The following CTNNA3 variants were observed in gnomAD, a reference collection of about 807,000 sequenced individuals.
The protein encoded by CTNNA3 is catenin alpha-3.
Under a neutral mutation model 95.7 loss-of-function variants are expected in CTNNA3, and 76 were observed. The ratio of observed to expected loss-of-function variants is 0.79; its 90% confidence interval spans 0.66 to 0.96. The LOEUF (loss-of-function observed/expected upper bound fraction) is 0.96, where lower values mean the gene tolerates loss of function less well. CTNNA3 is among the 40% of genes least tolerant of loss of function. The pLI is 0.00. For synonymous variants in CTNNA3, 431 were observed against 374.4 expected (o/e 1.15, Z -1.74); for missense variants, 1,191 against 1,089.8 (o/e 1.09, Z -1.31).
chr10:66,463,331 C>T (rs58091128), intron 11 of CTNNA3, among the ~76,000 whole-genome samples: 2,312 of 152,198 alleles, frequency 0.015, 73 homozygotes, highest in African/African-American at 0.053. Context: ...TTTCTGAAAC[C>T]ATGTGATGCC....
intron 15 of CTNNA3, among the ~76,000 whole-genome samples, chr10:66,018,604 A>T (rs2079140882): frequency 6.6e-6 from 1 of 152,108 alleles, no homozygotes. Context: ...TTCTGTTTGT[A>T]TGAAATGTCA....
At chr10:67,391,216 A>G (rs1315252850) in intron 5 of CTNNA3, among the ~76,000 whole-genome samples, 1 of 152,124 alleles carries the variant, frequency 6.6e-6, no homozygotes, top group East Asian at 1.9e-4. Context: ...GTCTCAGGAT[A>G]CAAAATCAAT....
intron 5 of CTNNA3, among the ~76,000 whole-genome samples, chr10:67,433,515 CCTT>C (rs1485769924): frequency 6.6e-6 from 1 of 152,068 alleles, no homozygotes; most frequent in Non-Finnish European, 1.5e-5. Flanking sequence ...TTGCCACAAA[CCTT>C]CTATCTGTAA....
intron 7 of CTNNA3, among the ~76,000 whole-genome samples, chr10:67,169,556 C>T (rs778452515): frequency 1.4e-4 from 22 of 152,264 alleles, no homozygotes; most frequent in Non-Finnish European, 2.6e-4. Context: ...ATAAATGATG[C>T]TGGGATAACT....
chr10:67,169,501 AC>A (rs750708603), intron 7 of CTNNA3, among the ~76,000 whole-genome samples: 65 of 152,206 alleles, frequency 4.3e-4, no homozygotes, highest in African/African-American at 1.2e-4. Context: ...TGATCTTTTG[AC>A]AAAGCTGACA....
At chr10:67,505,116 T>C (rs1839391713) in intron 5 of CTNNA3, among the ~76,000 whole-genome samples, 1 of 152,224 alleles carries the variant, frequency 6.6e-6, no homozygotes, top group South Asian at 2.1e-4. Context: ...TAATGCTGTA[T>C]CATATTCCCA....
chr10:66,489,497 G>T (rs900446844), intron 11 of CTNNA3, among the ~76,000 whole-genome samples: 3 of 152,046 alleles, frequency 2.0e-5, no homozygotes, highest in Non-Finnish European at 2.9e-5. Context: ...AACGCTTAAA[G>T]AATAAAAACT....
At chr10:65,995,243 T>A (rs1301935553) in intron 15 of CTNNA3, among the ~76,000 whole-genome samples, 1 of 152,242 alleles carries the variant, frequency 6.6e-6, no homozygotes, top group African/African-American at 2.4e-5. Context: ...GTTTCTTTTT[T>A]CCTTTCATTG....
chr10:66,328,743 A>G (rs980759510), intron 12 of CTNNA3, among the ~76,000 whole-genome samples: 1 of 151,056 alleles, frequency 6.6e-6, no homozygotes, highest in Non-Finnish European at 1.5e-5. Flanking sequence ...GACCCACTAA[A>G]TCTGGTCGTA....
intron 13 of CTNNA3, among the ~76,000 whole-genome samples, chr10:66,130,166 C>G (rs1171516067): frequency 6.6e-6 from 1 of 152,160 alleles, no homozygotes; most frequent in Non-Finnish European, 1.5e-5. Context: ...AGTCCTGCAC[C>G]CACCACAAAC....
intron 11 of CTNNA3, among the ~76,000 whole-genome samples, chr10:66,384,513 T>C (rs1362910373): frequency 6.6e-6 from 1 of 152,110 alleles, no homozygotes; most frequent in East Asian, 1.9e-4. Context: ...CACCCCACTG[T>C]CAATATTACA....
chr10:65,966,835 A>C, intron 16 of CTNNA3, 89 bp from the exon 17 acceptor site: 1 of 983,032 alleles, frequency 1.0e-6, no homozygotes, highest in Non-Finnish European at 1.5e-6. Context: ...CATGGCAGGT[A>C]CCTTATAAAG....
chr10:66,479,916 C>T (rs2131897708), intron 11 of CTNNA3, among the ~76,000 whole-genome samples: 1 of 150,574 alleles, frequency 6.6e-6, no homozygotes, highest in African/African-American at 2.5e-5. Flanking sequence ...AACAGAAAGA[C>T]TTCACCACAA....
chr10:66,752,979 A>G (rs1839212362), intron 9 of CTNNA3, among the ~76,000 whole-genome samples: 1 of 152,162 alleles, frequency 6.6e-6, no homozygotes, highest in Admixed American at 6.6e-5. Context: ...ATTACTTTTT[A>G]TATAGAAATA....
At chr10:66,157,035 T>C (rs2084543862) in intron 13 of CTNNA3, among the ~76,000 whole-genome samples, 1 of 151,940 alleles carries the variant, frequency 6.6e-6, no homozygotes, top group Non-Finnish European at 1.5e-5. Context: ...TTTGCTTTCC[T>C]TATTTCCTTT....
At chr10:66,534,116 G>A (rs552230226) in intron 10 of CTNNA3, among the ~76,000 whole-genome samples, 38 of 152,176 alleles carry the variant, frequency 2.5e-4, no homozygotes, top group African/African-American at 8.7e-4. Flanking sequence ...TGAGTCTCGA[G>A]TTAGCAAAAG....
intron 1 of CTNNA3, among the ~76,000 whole-genome samples, chr10:67,676,966 G>A (rs1166257523): frequency 6.6e-6 from 1 of 152,136 alleles, no homozygotes; most frequent in Non-Finnish European, 1.5e-5. Context: ...GCAAATTTTA[G>A]TCAGTACTAA....
rs186726213 is a variant in CTNNA3, at chr10:66,584,588, G to A, written c.1374+37104C>T. 3.3e-5 allele frequency among the ~76,000 whole-genome samples: 5 copies of A among 151,956 alleles called. No individual in the cohort carries two copies. In the East Asian group the frequency reaches 9.7e-4, roughly 30 times the overall value. On this transcript the variant is annotated intron_variant, in intron 10 of 17. Coordinates refer to ENST00000433211, the MANE Select transcript of CTNNA3 (RefSeq NM_013266.4). ...ATAAGAATCTTTACATGTGAGGTATGTCTTCTGAAGATAGCAGGTATCTAT... is the reference window on the plus strand; with the variant it reads ...ATAAGAATCTTTACATGTGAGGTATATCTTCTGAAGATAGCAGGTATCTAT...
intron 7 of CTNNA3, among the ~76,000 whole-genome samples, chr10:67,118,994 A>G (rs530348675): frequency 1.3e-5 from 2 of 152,046 alleles, no homozygotes; most frequent in African/African-American, 4.8e-5. Flanking sequence ...TAACTTAGAT[A>G]CTTCCCCAAA....
Sources: gnomAD v4.1 joint callset for allele counts (sites outside exome capture counted in the v4.1 genomes callset) on GRCh38, gnomAD v4.1.1 for gene constraint, MANE v1.5 for transcripts, NCBI Gene and HGNC (gene_info 2026-07-23, HGNC 2026-07-21) for gene names.